DPYD: variants seen among roughly 807,000 people sequenced by gnomAD.
DPYD encodes the protein dihydropyrimidine dehydrogenase.
A neutral mutation model predicts 116.2 loss-of-function variants in DPYD; 109 were observed. The observed-to-expected ratio is 0.94, with a 90% CI of 0.80 to 1.10. DPYD has a LOEUF of 1.10. Among genes scored for constraint, DPYD ranks in the 50% least tolerant of loss-of-function variants. The probability of loss-of-function intolerance (pLI) is 0.00; values close to 1 mark genes in which losing one functional copy is unlikely to be tolerated. For synonymous variants in DPYD, 440 were observed against 432.0 expected, an observed-to-expected ratio of 1.02 and a Z score of -0.23; for missense variants, 1,302 against 1,254.5, an observed-to-expected ratio of 1.04 and a Z score of -0.57.
intron 16 of DPYD, among the ~76,000 whole-genome samples, chr1:97,352,789 T>A (rs915543910): frequency 6.6e-6 from 1 of 152,074 alleles, no homozygotes; most frequent in East Asian, 1.9e-4. Flanking sequence ...TACAGTAAAG[T>A]GCACCTTTCG....
chr1:97,794,954 C>T (rs1667492610), intron 3 of DPYD, among the ~76,000 whole-genome samples: 1 of 152,052 alleles, frequency 6.6e-6, no homozygotes, highest in Admixed American at 6.5e-5. Flanking sequence ...TTTTGTATAT[C>T]AATCTTGCAA....
chr1:97,833,126 G>T (rs978055724), intron 2 of DPYD, among the ~76,000 whole-genome samples: 1 of 151,440 alleles, frequency 6.6e-6, no homozygotes, highest in African/African-American at 2.4e-5. Flanking sequence ...AACTAAATCA[G>T]ATCTAAAATT....
rs1279588197 is a variant in DPYD at position 97,865,457 on chromosome 1, A to C, written c.150+17807T>G. Among the ~76,000 whole-genome samples, 3 of 152,082 alleles carry C rather than the reference A, an allele frequency of 2.0e-5. No homozygotes were observed. In the East Asian group the frequency reaches 5.8e-4, roughly 30 times the overall value. ...TTTATTCAATACTGGGTATTCATTC[A>C]TTTATGTGATGGAAAAGTTACCATA... On this transcript the variant is annotated intron_variant, in intron 2 of 22. Coordinates refer to ENST00000370192, the MANE Select transcript of DPYD (RefSeq NM_000110.4).
chr1:97,707,571 A>G (rs1662048921), intron 5 of DPYD, among the ~76,000 whole-genome samples: 1 of 151,454 alleles, frequency 6.6e-6, no homozygotes, highest in Admixed American at 6.6e-5. Context: ...GCGATAGTTT[A>G]CTGAGAATGA....
intron 1 of DPYD, among the ~76,000 whole-genome samples, chr1:97,901,568 T>C (rs1049694499): frequency 1.3e-5 from 2 of 151,672 alleles, no homozygotes; most frequent in African/African-American, 4.8e-5. Flanking sequence ...TAAATACACC[T>C]CCCATATTAA....
chr1:97,678,828 T>C (rs746698999), intron 8 of DPYD, among the ~76,000 whole-genome samples: 8 of 152,160 alleles, frequency 5.3e-5, no homozygotes, highest in Non-Finnish European at 1.2e-4. Flanking sequence ...AAATATTTTC[T>C]TCCTAGAGAT....
chr1:97,304,680 G>A (rs2101033521), intron 18 of DPYD, among the ~76,000 whole-genome samples: 1 of 152,130 alleles, frequency 6.6e-6, no homozygotes, highest in Non-Finnish European at 1.5e-5. Flanking sequence ...CAGTCACAGA[G>A]TGCACAGGGT....
At chr1:97,378,420 G>C (rs879432048) in intron 15 of DPYD, among the ~76,000 whole-genome samples, 3 of 152,194 alleles carry the variant, frequency 2.0e-5, no homozygotes, top group Non-Finnish European at 4.4e-5. Flanking sequence ...AAACTGGCTT[G>C]TTAGTGTTTT....
At chr1:97,325,037 T>A (rs1454091745) in intron 16 of DPYD, among the ~76,000 whole-genome samples, 1 of 152,062 alleles carries the variant, frequency 6.6e-6, no homozygotes. Flanking sequence ...GATAAAACAG[T>A]TGATGAAGTT....
intron 14 of DPYD, among the ~76,000 whole-genome samples, chr1:97,447,960 A>G (rs922183269): frequency 2.0e-5 from 3 of 152,012 alleles, no homozygotes; most frequent in African/African-American, 7.2e-5. Context: ...ACAGTGGCTT[A>G]CACCTGTAAT....
intron 2 of DPYD, among the ~76,000 whole-genome samples, chr1:97,838,783 T>C (rs1018923007): frequency 6.6e-6 from 1 of 152,046 alleles, no homozygotes; most frequent in Non-Finnish European, 1.5e-5. Context: ...AGGCGGAGCT[T>C]GCAGTGAGCC....
chr1:97,706,674 G>A (rs374539368), intron 5 of DPYD, among the ~76,000 whole-genome samples: 4 of 152,050 alleles, frequency 2.6e-5, no homozygotes, highest in East Asian at 3.9e-4. Context: ...AGTTTTCTCT[G>A]TGTCTCTCCA....
chr1:97,735,764 T>C (rs1338665485), intron 4 of DPYD, among the ~76,000 whole-genome samples: 1 of 150,638 alleles, frequency 6.6e-6, no homozygotes. Flanking sequence ...AATAAAAAGC[T>C]GGCAGATTAG....
intron 20 of DPYD, among the ~76,000 whole-genome samples, chr1:97,152,256 G>A (rs906131432): frequency 3.3e-5 from 5 of 152,094 alleles, no homozygotes; most frequent in African/African-American, 9.7e-5. Context: ...TTTATTTCCT[G>A]GTTTAAACCA....
intron 18 of DPYD, among the ~76,000 whole-genome samples, chr1:97,250,291 A>C (rs2100807218): frequency 6.6e-6 from 1 of 152,174 alleles, no homozygotes; most frequent in Non-Finnish European, 1.5e-5. Flanking sequence ...AAATAAAAAT[A>C]AATAAATAAA....
intron 4 of DPYD, among the ~76,000 whole-genome samples, chr1:97,733,717 C>T (rs1013863431): frequency 6.6e-6 from 1 of 151,906 alleles, no homozygotes; most frequent in Non-Finnish European, 1.5e-5. Flanking sequence ...CTAGGTAGAA[C>T]AAATTAATAA....
At chr1:97,643,018 A>G (rs932800446) in intron 8 of DPYD, among the ~76,000 whole-genome samples, 2 of 152,100 alleles carry the variant, frequency 1.3e-5, no homozygotes, top group Non-Finnish European at 2.9e-5. Context: ...TTCAGGACAT[A>G]GGCATGGACA....
chr1:97,652,391 TATAA>T (rs1245198151), intron 8 of DPYD, among the ~76,000 whole-genome samples: 2 of 152,224 alleles, frequency 1.3e-5, no homozygotes, highest in African/African-American at 4.8e-5. Context: ...GGAAATAGTT[TATAA>T]ATATTCTGTT....
intron 5 of DPYD, among the ~76,000 whole-genome samples, 195 bp downstream of exon 5, chr1:97,721,315 A>T (rs1327146440): frequency 6.6e-6 from 1 of 151,782 alleles, no homozygotes; most frequent in Non-Finnish European, 1.5e-5. Flanking sequence ...AACTAATTTG[A>T]CATATGGTTT....
Sources: allele counts gnomAD v4.1 joint callset (sites outside exome capture counted in the v4.1 genomes callset), GRCh38; gene constraint gnomAD v4.1.1; transcripts MANE v1.5; gene names NCBI Gene and HGNC (gene_info 2026-07-23, HGNC 2026-07-21).